Variants in RYR2 observed in about 807,000 individuals in gnomAD.
The protein encoded by RYR2 is ryanodine receptor 2.
RYR2 carries 227 observed loss-of-function variants against 601.1 expected under a neutral mutation model. The observed-to-expected ratio is 0.38, with a 90% confidence interval of 0.34 to 0.42. RYR2 has a LOEUF of 0.42. RYR2 is among the 10% of genes least tolerant of loss of function. The pLI, the probability that RYR2 is intolerant of heterozygous loss-of-function variation, is 1.00. For synonymous variants in RYR2, 2,223 were observed against 2,175.1 expected, an observed-to-expected ratio of 1.02 and a Z score of -0.61; for missense variants, 4,646 against 6,156.5, an observed-to-expected ratio of 0.75 and a Z score of 8.21.
At chr1:237,680,658 G>T in intron 62 of RYR2, 81 bp downstream of exon 62, 1 of 1,041,258 alleles carries the variant, frequency 9.6e-7, no homozygotes, top group Non-Finnish European at 1.4e-6. Context: ...ACCTTGAAGT[G>T]GGGCTGTACG....
chr1:237,380,209 G>A (rs78729388), intron 8 of RYR2, among the ~76,000 whole-genome samples: 19,664 of 150,434 alleles, frequency 0.13, 1,735 homozygotes, highest in East Asian at 0.37. Context: ...TCAGTGAAAA[G>A]GATCTAGAGA....
intron 20 of RYR2, among the ~76,000 whole-genome samples, chr1:237,499,384 G>A (rs994182936): frequency 1.3e-5 from 2 of 152,118 alleles, no homozygotes; most frequent in African/African-American, 4.8e-5. Context: ...TAGAAGTAGT[G>A]TGGAGGAATG....
intron 8 of RYR2, among the ~76,000 whole-genome samples, chr1:237,384,886 T>C (rs1701839473): frequency 6.7e-6 from 1 of 148,896 alleles, no homozygotes. Flanking sequence ...CATTTATTTA[T>C]TTATTATTTT....
chr1:237,469,015 T>C, intron 16 of RYR2, 77 bp from the exon 17 acceptor site: 1 of 1,154,180 alleles, frequency 8.7e-7, no homozygotes, highest in Non-Finnish European at 1.3e-6. Flanking sequence ...TCCAATATTT[T>C]AGGGCTGCAT....
intron 17 of RYR2, among the ~76,000 whole-genome samples, chr1:237,470,494 G>C (rs1660598490): frequency 6.6e-6 from 1 of 152,176 alleles, no homozygotes; most frequent in Admixed American, 6.5e-5. Flanking sequence ...GTCATAGTGA[G>C]TTCTTGGGCA....
chr1:237,731,368 T>A (rs1690664476), intron 77 of RYR2, among the ~76,000 whole-genome samples: 1 of 152,042 alleles, frequency 6.6e-6, no homozygotes, highest in South Asian at 2.1e-4. Context: ...AAAAAAAAAA[T>A]ATTTTTTAAG....
intron 32 of RYR2, 130 bp from the exon 33 acceptor site, chr1:237,593,346 C>A (rs987171987): frequency 3.0e-5 from 24 of 808,230 alleles, no homozygotes; most frequent in African/African-American, 2.8e-4. Context: ...TTTTCATTCA[C>A]CCAAACGGTT....
At chr1:237,547,973 G>T (rs1454698362) in intron 25 of RYR2, among the ~76,000 whole-genome samples, 1 of 152,028 alleles carries the variant, frequency 6.6e-6, no homozygotes, top group Non-Finnish European at 1.5e-5. Flanking sequence ...ATTTCCCTGT[G>T]GAATAAGAAA....
At chr1:237,351,536 GATA>G (rs935751797) in intron 3 of RYR2, among the ~76,000 whole-genome samples, 9 of 151,826 alleles carry the variant, frequency 5.9e-5, no homozygotes, top group Admixed American at 2.0e-4. Context: ...ACAATGAAAA[GATA>G]ATAAGAGAAT....
At chr1:237,360,620 A>T (rs1031220278) in intron 4 of RYR2, among the ~76,000 whole-genome samples, 3 of 152,210 alleles carry the variant, frequency 2.0e-5, no homozygotes, top group African/African-American at 7.2e-5. Flanking sequence ...ACTTGCTACA[A>T]ATCTGCCGAA....
At position 237,356,305 on chromosome 1, in the gene RYR2, C is replaced by CA. The variant is rs11428577; in HGVS notation, c.294+329dup. Among the ~76,000 whole-genome samples, 32,032 of 147,284 alleles carry CA rather than the reference C, an allele frequency of 0.22. 3,524 individuals carry two copies. Among genetic ancestry groups the CA allele is most frequent in the East Asian group, 0.39 (2,008 of 5,096 alleles). ...ATTCATACTGTCTGTATATCTTCTG[C>CA]AAAAAAAAACAAAAAACAAAAACCT... On this transcript the variant is annotated intron_variant, in intron 4 of 104. Transcript: ENST00000366574.
chr1:237,434,009 A>G (rs7537614), intron 12 of RYR2, among the ~76,000 whole-genome samples: 122,392 of 152,172 alleles, frequency 0.8, 49,497 homozygotes, highest in East Asian at 1. Context: ...TTTCTAGGTC[A>G]GTTGCAAATC....
chr1:237,065,165 G>A (rs531171266), intron 1 of RYR2, among the ~76,000 whole-genome samples: 3 of 151,664 alleles, frequency 2.0e-5, no homozygotes, highest in Admixed American at 6.6e-5. Flanking sequence ...GCTATAAAGC[G>A]TGTATATAGT....
At chr1:237,231,737 G>T (rs1685020651) in intron 1 of RYR2, among the ~76,000 whole-genome samples, 1 of 152,148 alleles carries the variant, frequency 6.6e-6, no homozygotes, top group Admixed American at 6.5e-5. Flanking sequence ...CTCAGTGGCT[G>T]GTAGGGGGCT....
At chr1:237,805,022 A>T (rs557527427) in intron 98 of RYR2, among the ~76,000 whole-genome samples, 1 of 152,168 alleles carries the variant, frequency 6.6e-6, no homozygotes, top group Non-Finnish European at 1.5e-5. Flanking sequence ...CATCTAGTTG[A>T]TGCTGCTTGC....
chr1:237,403,974 C>A (rs867282443), intron 10 of RYR2, among the ~76,000 whole-genome samples: 1 of 152,180 alleles, frequency 6.6e-6, no homozygotes, highest in Admixed American at 6.5e-5. Flanking sequence ...CCATAGAGAA[C>A]AGGCTGTGGT....
At chr1:237,246,391 T>C (rs1686839414) in intron 1 of RYR2, among the ~76,000 whole-genome samples, 1 of 152,200 alleles carries the variant, frequency 6.6e-6, no homozygotes, top group African/African-American at 2.4e-5. Flanking sequence ...CCACCGTGCC[T>C]GGACTGTTTT....
intron 24 of RYR2, among the ~76,000 whole-genome samples, chr1:237,529,190 T>G (rs1052606871): frequency 6.6e-6 from 1 of 152,204 alleles, no homozygotes; most frequent in Non-Finnish European, 1.5e-5. Flanking sequence ...TAATCTATAT[T>G]TGTTCCTGTG....
rs374332015 is a variant in RYR2, at chr1:237,784,498, G to A, written c.12786G>A (p.Lys4262=). The change falls in exon 90 of 105, where the codon AAG becomes AAA. Residue 4262 remains lysine (K), a synonymous_variant. Coordinates refer to ENST00000366574, the MANE Select transcript of RYR2 (RefSeq NM_001035.3). The surrounding 1 kb of genome is among the most constrained non-coding windows in gnomAD (Gnocchi z 7.1). ...CCCTTATGCGAATGCTCAGTCTGAA[G>A]AGCCTGAAGAAGCAGATGAAAAAAG... The part of the protein sequence containing the change: ...ILTLMRMLSL[K]SLKKQMKKVK... 1 of 1,613,486 alleles carries A rather than the reference G, an allele frequency of 6.2e-7. No homozygotes were observed. Among genetic ancestry groups the A allele is most frequent in the African/African-American group, 1.3e-5 (1 of 74,908 alleles).
Sources: gnomAD v4.1 joint callset for allele counts (sites outside exome capture counted in the v4.1 genomes callset) on GRCh38, gnomAD v4.1.1 for gene constraint, Gnocchi (gnomAD v3.1) non-coding constraint, MANE v1.5 for transcripts, NCBI Gene and HGNC (gene_info 2026-07-23, HGNC 2026-07-21) for gene names.